DIS3L2: variants seen among roughly 807,000 people sequenced by gnomAD.
The protein encoded by DIS3L2 is DIS3-like exonuclease 2.
Under a neutral mutation model 97.5 loss-of-function variants are expected in DIS3L2, and 34 were observed. The observed-to-expected ratio is 0.35, with a 90% CI of 0.27 to 0.46. The LOEUF (loss-of-function observed/expected upper bound fraction) is 0.46, where lower values mean the gene tolerates loss of function less well. DIS3L2 is among the 20% of genes least tolerant of loss of function. The probability of loss-of-function intolerance (pLI) is 1.00; values close to 1 mark genes in which losing one functional copy is unlikely to be tolerated. For synonymous variants in DIS3L2, 435 were observed against 445.2 expected, an observed-to-expected ratio of 0.98 and a Z score of 0.29; for missense variants, 1,038 against 1,146.0, an observed-to-expected ratio of 0.91 and a Z score of 1.36.
intron 5 of DIS3L2, among the ~76,000 whole-genome samples, chr2:232,078,915 T>G (rs1427448305): frequency 6.6e-6 from 1 of 152,162 alleles, no homozygotes; most frequent in African/African-American, 2.4e-5. Flanking sequence ...TGGTGGATTT[T>G]GGATTATAGA....
chr2:232,162,989 A>G (rs1342532095), intron 8 of DIS3L2, among the ~76,000 whole-genome samples: 1 of 152,152 alleles, frequency 6.6e-6, no homozygotes, highest in Admixed American at 6.5e-5. Flanking sequence ...TTTGCAATGA[A>G]CGTATATTAC....
chr2:232,044,873 G>A (rs933416673), intron 5 of DIS3L2, among the ~76,000 whole-genome samples: 6 of 152,058 alleles, frequency 3.9e-5, no homozygotes, highest in African/African-American at 1.4e-4. Flanking sequence ...CTCGTGATCC[G>A]CCTGCCTCAG....
At chr2:232,339,710 G>A (rs949144842), downstream of DIS3L2, 7 of 456,260 alleles carry the variant, frequency 1.5e-5, no homozygotes, top group Non-Finnish European at 2.2e-5. Context: ...GCCGGGGTGG[G>A]AAGCAGGAAA....
intron 1 of DIS3L2, among the ~76,000 whole-genome samples, chr2:231,967,002 T>C (rs938636074): frequency 6.6e-5 from 10 of 152,288 alleles, no homozygotes; most frequent in Non-Finnish European, 1.3e-4. Flanking sequence ...TTTAGTCAAC[T>C]GTTAGTCCAC....
intron 5 of DIS3L2, among the ~76,000 whole-genome samples, chr2:232,034,123 A>G (rs917695102): frequency 3.9e-5 from 6 of 152,150 alleles, no homozygotes; most frequent in Non-Finnish European, 5.9e-5. Flanking sequence ...TTGGTAGGCT[A>G]TTAATTACTG....
intron 20 of DIS3L2, chr2:232,336,126 G>A (rs761489515): frequency 6.5e-7 from 1 of 1,539,114 alleles, no homozygotes; most frequent in South Asian, 1.2e-5. Context: ...TAATGCAGGG[G>A]TGCTGGCCTT....
chr2:232,244,424 T>C (rs867072222), intron 11 of DIS3L2, among the ~76,000 whole-genome samples: 24 of 151,924 alleles, frequency 1.6e-4, no homozygotes, highest in Admixed American at 3.3e-4. Context: ...AGGTAGGAAA[T>C]GTAGTCAGTG....
At chr2:232,126,516 C>A (rs990851279) in intron 6 of DIS3L2, among the ~76,000 whole-genome samples, 1 of 152,276 alleles carries the variant, frequency 6.6e-6, no homozygotes, top group Middle Eastern at 3.4e-3. Context: ...GTCCAGCTAT[C>A]AAATCCACAT....
At chr2:232,114,878 T>A (rs1165414559) in intron 6 of DIS3L2, among the ~76,000 whole-genome samples, 2 of 152,192 alleles carry the variant, frequency 1.3e-5, no homozygotes, top group Non-Finnish European at 2.9e-5. Context: ...AATTTATTTC[T>A]TACAGTTATG....
At chr2:232,175,156 G>C (rs115088951) in intron 9 of DIS3L2, among the ~76,000 whole-genome samples, 6,876 of 152,142 alleles carry the variant, frequency 0.045, 509 homozygotes, top group African/African-American at 0.15. Flanking sequence ...TGTAATGTAA[G>C]CTTTGGGGGT....
intron 10 of DIS3L2, 80 bp from the exon 11 acceptor site, chr2:232,238,453 T>C: frequency 8.3e-7 from 1 of 1,198,700 alleles, no homozygotes; most frequent in East Asian, 2.3e-5. Context: ...GGGAGTGACA[T>C]ACATTCTAGG....
At chr2:232,338,689 G>C (rs1175599540), downstream of DIS3L2, among the ~76,000 whole-genome samples, 1 of 148,708 alleles carries the variant, frequency 6.7e-6, no homozygotes, top group Non-Finnish European at 1.5e-5. Flanking sequence ...CAGTCACACC[G>C]AGCCCCGCGT....
chr2:232,065,133 C>G (rs1233815303), intron 5 of DIS3L2, among the ~76,000 whole-genome samples: 3 of 150,840 alleles, frequency 2.0e-5, no homozygotes, highest in Non-Finnish European at 4.5e-5. Context: ...CTTGATCTAC[C>G]CTCTTACCAA....
chr2:232,231,024 C>A lies in DIS3L2; in HGVS notation c.1205-7509C>A, dbSNP rs533123544. On this transcript the variant is annotated intron_variant, in intron 10 of 20. Coordinates refer to ENST00000325385, the MANE Select transcript of DIS3L2 (RefSeq NM_152383.5). ...TCTCAGTCTGTTTCCTCATAGACAC[C>A]TTTTCATTACTAATGAACTCTAAAA... Among the ~76,000 whole-genome samples the A allele has an allele frequency of 2.6e-5, 4 of 152,298 alleles. No individual in the cohort carries two copies. The South Asian group carries it at 6.2e-4, about 24-fold the overall frequency.
intron 9 of DIS3L2, among the ~76,000 whole-genome samples, chr2:232,192,165 T>G (rs1574936874): frequency 6.6e-6 from 1 of 152,352 alleles, no homozygotes; most frequent in East Asian, 1.9e-4. Context: ...GGGTATATAT[T>G]TATATACCAA....
At chr2:232,241,448 T>C (rs559283053) in intron 11 of DIS3L2, among the ~76,000 whole-genome samples, 2 of 152,348 alleles carry the variant, frequency 1.3e-5, no homozygotes, top group South Asian at 4.1e-4. Context: ...TAAACTCTAA[T>C]TGGGGGATTA....
At chr2:232,122,550 C>T (rs925897960) in intron 6 of DIS3L2, among the ~76,000 whole-genome samples, 1 of 152,098 alleles carries the variant, frequency 6.6e-6, no homozygotes, top group Non-Finnish European at 1.5e-5. Context: ...AACCCTGTCT[C>T]TACTAAAAAA....
chr2:232,030,225 C>G, intron 5 of DIS3L2, 145 bp downstream of exon 5: 2 of 673,228 alleles, frequency 3.0e-6, no homozygotes, highest in Non-Finnish European at 5.0e-6. Flanking sequence ...AAGCATGCTA[C>G]CGAATGCTTG....
At chr2:232,343,408 G>T in exon 14 of DIS3L2, 2 of 1,556,776 alleles carry the variant, frequency 1.3e-6, no homozygotes, top group Non-Finnish European at 1.7e-6. Context: ...TGCTGAAGAT[G>T]CAGAAGCACA....
Sources: allele counts gnomAD v4.1 joint callset (sites outside exome capture counted in the v4.1 genomes callset), GRCh38; gene constraint gnomAD v4.1.1; transcripts MANE v1.5; gene names NCBI Gene and HGNC (gene_info 2026-07-23, HGNC 2026-07-21).